Variants in ADAMTS6 observed in about 807,000 individuals in gnomAD.
ADAMTS6 encodes ADAM metallopeptidase with thrombospondin type 1 motif 6, also known as A disintegrin and metalloproteinase with thrombospondin motifs 6.
Under a neutral mutation model 144.3 loss-of-function variants are expected in ADAMTS6, and 23 were observed. The ratio of observed to expected loss-of-function variants is 0.16; its 90% CI spans 0.11 to 0.23. The LOEUF (loss-of-function observed/expected upper bound fraction) is 0.23, where lower values mean the gene tolerates loss of function less well. Ranked by LOEUF, ADAMTS6 falls within the 10% of genes least tolerant of loss-of-function variation. The probability of loss-of-function intolerance (pLI) is 1.00; values close to 1 mark genes in which losing one functional copy is unlikely to be tolerated. For synonymous variants in ADAMTS6, 444 were observed against 457.5 expected (o/e 0.97, Z 0.38); for missense variants, 999 against 1,379.6 (o/e 0.72, Z 4.37).
At chr5:65,454,976 G>T (rs948892174) in intron 4 of ADAMTS6, among the ~76,000 whole-genome samples, 1 of 152,106 alleles carries the variant, frequency 6.6e-6, no homozygotes. Flanking sequence ...GGCTAATATT[G>T]TTACAAAACA....
chr5:65,278,100 T>C (rs1012719968), intron 11 of ADAMTS6, among the ~76,000 whole-genome samples: 1 of 152,024 alleles, frequency 6.6e-6, no homozygotes, highest in Non-Finnish European at 1.5e-5. Flanking sequence ...TCCACTCTTG[T>C]GTTACTTCAC....
intron 12 of ADAMTS6, among the ~76,000 whole-genome samples, chr5:65,271,156 G>A (rs970218145): frequency 3.9e-5 from 6 of 151,968 alleles, no homozygotes; most frequent in Admixed American, 2.0e-4. Context: ...TTGGGAGGCC[G>A]AGGTGGGCGG....
chr5:65,152,014 G>C, intron 24 of ADAMTS6, 69 bp from the exon 25 acceptor site: 1 of 1,352,918 alleles, frequency 7.4e-7, no homozygotes, highest in Non-Finnish European at 1.0e-6. Flanking sequence ...CAAGCCGATG[G>C]GCCTGCATGT....
chr5:65,428,057 C>G (rs1245168249), intron 7 of ADAMTS6, among the ~76,000 whole-genome samples: 2 of 151,644 alleles, frequency 1.3e-5, no homozygotes, highest in Non-Finnish European at 2.9e-5. Flanking sequence ...GAAAGCCCGT[C>G]TCTACTAAAA....
intron 20 of ADAMTS6, 85 bp from the exon 21 acceptor site, chr5:65,197,236 T>C (rs558137430): frequency 7.5e-4 from 1,061 of 1,407,570 alleles, no homozygotes; most frequent in Non-Finnish European, 9.7e-4. Context: ...TGTGGGGAAT[T>C]GACCTCACTG....
At chr5:65,176,380 G>A (rs1411687628) in intron 22 of ADAMTS6, among the ~76,000 whole-genome samples, 1 of 152,042 alleles carries the variant, frequency 6.6e-6, no homozygotes, top group Non-Finnish European at 1.5e-5. Flanking sequence ...AGTTGTATAA[G>A]GAAAGTAAAA....
chr5:65,418,659 C>T (rs1755755334), intron 7 of ADAMTS6, among the ~76,000 whole-genome samples: 1 of 151,924 alleles, frequency 6.6e-6, no homozygotes, highest in South Asian at 2.1e-4. Flanking sequence ...GCATCCAAGA[C>T]AGGTCTAATA....
intron 4 of ADAMTS6, among the ~76,000 whole-genome samples, chr5:65,454,729 G>A (rs1759047122): frequency 6.6e-6 from 1 of 152,158 alleles, no homozygotes; most frequent in South Asian, 2.1e-4. Context: ...TCATGCTGGT[G>A]AACTGACGCT....
chr5:65,382,686 G>T (rs1580554213), intron 7 of ADAMTS6, among the ~76,000 whole-genome samples: 2 of 152,254 alleles, frequency 1.3e-5, no homozygotes, highest in East Asian at 3.9e-4. Context: ...TCTAGGCCTG[G>T]AGTAGTCTTC....
chr5:65,337,563 C>A (rs192996698), intron 7 of ADAMTS6, among the ~76,000 whole-genome samples: 1 of 152,180 alleles, frequency 6.6e-6, no homozygotes, highest in African/African-American at 2.4e-5. Flanking sequence ...ACACTTAAGC[C>A]AATGTCTCTT....
At position 65,224,791 on chromosome 5, in the gene ADAMTS6, T is replaced by C. The variant is rs1036559855; in HGVS notation, c.2191+133A>G. 2.9e-5 allele frequency: 31 copies of C among 1,077,418 alleles called. No individual in the cohort carries two copies. In the South Asian group the frequency reaches 4.7e-4, roughly 16 times the overall value. 66.7% of individuals were successfully genotyped at this position (1,077,418 alleles called of 1,614,324 possible). On this transcript the variant is annotated intron_variant, in intron 17 of 24. Coordinates refer to ENST00000381055, the MANE Select transcript of ADAMTS6 (RefSeq NM_197941.4). ...AAGCCACATTTAACACTAAAATGAC[T>C]GAAAGCAATTTGGGGAAGAAAACAT...
chr5:65,434,429 A>G (rs1418588376), intron 7 of ADAMTS6, among the ~76,000 whole-genome samples: 1 of 152,216 alleles, frequency 6.6e-6, no homozygotes, highest in African/African-American at 2.4e-5. Flanking sequence ...CTCAGGCTAA[A>G]TGGGTGAATT....
intron 7 of ADAMTS6, among the ~76,000 whole-genome samples, chr5:65,372,557 C>G (rs1431624706): frequency 1.3e-5 from 2 of 151,940 alleles, no homozygotes; most frequent in African/African-American, 2.4e-5. Context: ...GAAGAGCTAA[C>G]TATCCTAAAT....
chr5:65,331,277 C>T, intron 8 of ADAMTS6, among the ~76,000 whole-genome samples: 1 of 151,906 alleles, frequency 6.6e-6, no homozygotes, highest in Non-Finnish European at 1.5e-5. Flanking sequence ...ATCTATTATT[C>T]CATGGGTTAG....
intron 7 of ADAMTS6, among the ~76,000 whole-genome samples, chr5:65,421,391 G>C (rs1483883221): frequency 6.6e-6 from 1 of 152,262 alleles, no homozygotes; most frequent in African/African-American, 2.4e-5. Flanking sequence ...CTAAAGATAG[G>C]ACCCCAATCC....
intron 7 of ADAMTS6, among the ~76,000 whole-genome samples, chr5:65,423,084 G>C: frequency 6.6e-6 from 1 of 152,168 alleles, no homozygotes; most frequent in Non-Finnish European, 1.5e-5. Flanking sequence ...ACCAAATACT[G>C]TATGTTCTGA....
rs1052202753 is a variant in ADAMTS6 at position 65,199,171 on chromosome 5, A to G, written c.2576-2020T>C. On this transcript the variant is annotated intron_variant, in intron 20 of 24. Transcript: ENST00000381055. ...TTCAAACATGACTATACTTGAAACA[A>G]GAACACTGGCATCCAAAACATATCT... Among the ~76,000 whole-genome samples, 7 of 152,306 alleles carry G rather than the reference A, an allele frequency of 4.6e-5. No individual in the cohort carries two copies. In the South Asian group the frequency reaches 6.2e-4, roughly 14 times the overall value.
chr5:65,198,772 T>C (rs1473734163), intron 20 of ADAMTS6: 1 of 163,806 alleles, frequency 6.1e-6, no homozygotes, highest in Non-Finnish European at 1.5e-5. Context: ...GTATGTATTG[T>C]ATTCCTTCCC....
intron 9 of ADAMTS6, among the ~76,000 whole-genome samples, chr5:65,328,011 AG>A (rs79464695): frequency 0.045 from 6,791 of 152,154 alleles, 277 homozygotes; most frequent in African/African-American, 0.11. Context: ...TGCTTGGTTA[AG>A]GGGGGGCTTT....
Sources: allele counts gnomAD v4.1 joint callset (sites outside exome capture counted in the v4.1 genomes callset), GRCh38; gene constraint gnomAD v4.1.1; transcripts MANE v1.5; gene names NCBI Gene and HGNC (gene_info 2026-07-23, HGNC 2026-07-21).